The following EXOC6B variants were observed in gnomAD, a reference collection of about 807,000 sequenced individuals.
EXOC6B encodes SEC15 homolog B.
In EXOC6B, 54 loss-of-function variants were observed where a neutral mutation model predicts 113.5. The ratio of observed to expected loss-of-function variants is 0.48; its 90% CI spans 0.38 to 0.60. The LOEUF (loss-of-function observed/expected upper bound fraction) is 0.60, where lower values mean the gene tolerates loss of function less well. Among genes scored for constraint, EXOC6B ranks in the 20% least tolerant of loss-of-function variants. The pLI is 0.00. For missense variants in EXOC6B, 797 were observed against 977.5 expected, an observed-to-expected ratio of 0.82 and a Z score of 2.46; for synonymous variants, 357 against 339.0, an observed-to-expected ratio of 1.05 and a Z score of -0.58.
At chr2:72,397,393 G>A (rs1168109230) in intron 18 of EXOC6B, among the ~76,000 whole-genome samples, 5 of 152,002 alleles carry the variant, frequency 3.3e-5, no homozygotes, top group Non-Finnish European at 7.4e-5. Context: ...GGCCGAGGCA[G>A]ATGGATCATG....
rs765619390 is a variant in EXOC6B, at chr2:72,465,201, C to A, written c.1939G>T (p.Ala647Ser). ...KASDYLVDLIAFLRSTFAVFT... is the reference protein window; with the variant it reads ...KASDYLVDLISFLRSTFAVFT... ...ACAGCAAAGGTGCTACGAAGAAAGGCAATGAGGTCTACCAGGTAATCACTA... is the reference window on the plus strand; with the variant it reads ...ACAGCAAAGGTGCTACGAAGAAAGGAAATGAGGTCTACCAGGTAATCACTA... Residue 647 changes from alanine to serine, a missense_variant, in exon 18 of 22, where the codon GCC becomes TCC. By Grantham distance (99) the Ala-to-Ser change is moderately conservative. Coordinates refer to ENST00000272427, the MANE Select transcript of EXOC6B (RefSeq NM_015189.3). The A allele has an allele frequency of 6.2e-7, 1 of 1,612,226 alleles. No homozygotes were observed. Among genetic ancestry groups the A allele is most frequent in the Non-Finnish European group, 8.5e-7 (1 of 1,179,178 alleles).
intron 1 of EXOC6B, among the ~76,000 whole-genome samples, chr2:72,820,670 A>C (rs1170845750): frequency 6.6e-6 from 1 of 152,152 alleles, no homozygotes; most frequent in Non-Finnish European, 1.5e-5. Flanking sequence ...TTCTGCCACA[A>C]ATAAGGAACA....
chr2:72,712,990 T>C (rs1679367485), intron 6 of EXOC6B, among the ~76,000 whole-genome samples: 1 of 152,210 alleles, frequency 6.6e-6, no homozygotes, highest in African/African-American at 2.4e-5. Context: ...GATCCTCAAA[T>C]AGTATTTTTT....
chr2:72,675,976 T>A (rs1470110542), intron 6 of EXOC6B, among the ~76,000 whole-genome samples: 5 of 151,968 alleles, frequency 3.3e-5, no homozygotes, highest in Non-Finnish European at 5.9e-5. Context: ...AATTTTTTTT[T>A]AAAGACAAAC....
chr2:72,400,469 A>G (rs1056760756), intron 18 of EXOC6B, among the ~76,000 whole-genome samples: 4 of 152,166 alleles, frequency 2.6e-5, no homozygotes, highest in East Asian at 1.9e-4. Context: ...AAGCATCTGC[A>G]CAGTGAAAGA....
chr2:72,550,862 C>CA (rs1703172281), intron 8 of EXOC6B, among the ~76,000 whole-genome samples: 2 of 151,778 alleles, frequency 1.3e-5, no homozygotes, highest in South Asian at 4.2e-4. Flanking sequence ...CTGTGTCTAA[C>CA]CATTAGCATC....
chr2:72,690,107 C>G (rs1677375821), intron 6 of EXOC6B, among the ~76,000 whole-genome samples: 1 of 152,210 alleles, frequency 6.6e-6, no homozygotes, highest in Admixed American at 6.5e-5. Flanking sequence ...GGAAAAAACA[C>G]TGACCTACTT....
rs993743316 is a variant in EXOC6B at position 72,179,234 on chromosome 2, C to G, written c.*101G>C. 9.8e-6 allele frequency: 13 copies of G among 1,326,938 alleles called. No homozygotes were observed. The highest frequency in any genetic ancestry group is 1.5e-5 in the African/African-American group (1 of 67,458). The allele number at this position is 1,326,938 out of a possible 1,614,324, so 82.2% of individuals were successfully genotyped here. ...GGGTTAATAAAAAAATACATATGCT[C>G]TCTTTGAAGAAGAATGCACAAATGC... is the stretch of plus-strand genomic sequence containing the variant. On this transcript the variant is annotated 3_prime_UTR_variant, in exon 22 of 22. Transcript: ENST00000272427.
chr2:72,720,691 T>G (rs1057003781), intron 5 of EXOC6B, among the ~76,000 whole-genome samples: 1 of 151,854 alleles, frequency 6.6e-6, no homozygotes, highest in African/African-American at 2.4e-5. Flanking sequence ...TGGGCAGAGG[T>G]TGCAGTGAGC....
At chr2:72,670,630 T>C (rs911115800) in intron 6 of EXOC6B, among the ~76,000 whole-genome samples, 3 of 152,214 alleles carry the variant, frequency 2.0e-5, no homozygotes, top group Admixed American at 1.3e-4. Flanking sequence ...CAAGACTCTG[T>C]GATATGATGA....
intron 6 of EXOC6B, among the ~76,000 whole-genome samples, chr2:72,578,184 C>T (rs1341390045): frequency 1.3e-5 from 2 of 152,094 alleles, no homozygotes; most frequent in Admixed American, 1.3e-4. Flanking sequence ...AACTCATCAC[C>T]TTCCAATTAC....
chr2:72,420,858 G>A (rs1191928112), intron 18 of EXOC6B, among the ~76,000 whole-genome samples: 5 of 152,258 alleles, frequency 3.3e-5, no homozygotes, highest in Admixed American at 6.5e-5. Flanking sequence ...CACCAACAAC[G>A]TAAAAGCGTT....
At chr2:72,814,721 G>A (rs926177498) in intron 1 of EXOC6B, among the ~76,000 whole-genome samples, 1 of 152,230 alleles carries the variant, frequency 6.6e-6, no homozygotes, top group Non-Finnish European at 1.5e-5. Flanking sequence ...GCCGGGCGTG[G>A]TGGCTCACGC....
Position 72,179,315 on chromosome 2 carries a change from T to G in EXOC6B, c.*20A>C, listed in dbSNP as rs760297800. The G allele has an allele frequency of 6.3e-6, 10 of 1,577,342 alleles. No individual in the cohort carries two copies. Among genetic ancestry groups the G allele is most frequent in the Non-Finnish European group, 8.6e-6 (10 of 1,160,428 alleles). On this transcript the variant is annotated 3_prime_UTR_variant, in exon 22 of 22. Transcript: ENST00000272427. Reference sequence around the variant, plus strand: ...CACAGAGGCTGCAGCAGGTCGCCTCTGTGGGTCCGGGGTCACCCTTCATGA... The same window carrying G: ...CACAGAGGCTGCAGCAGGTCGCCTCGGTGGGTCCGGGGTCACCCTTCATGA...
intron 11 of EXOC6B, among the ~76,000 whole-genome samples, chr2:72,512,439 G>A (rs1308440652): frequency 5.4e-5 from 8 of 147,488 alleles, no homozygotes; most frequent in Non-Finnish European, 1.0e-4. Flanking sequence ...AAGGAAGGAA[G>A]GAAGGAAGGA....
At chr2:72,641,328 C>T (rs1043848953) in intron 6 of EXOC6B, among the ~76,000 whole-genome samples, 2 of 152,238 alleles carry the variant, frequency 1.3e-5, no homozygotes, top group African/African-American at 4.8e-5. Flanking sequence ...CCGTGACAGA[C>T]TGTACCTGGA....
At chr2:72,421,911 C>T (rs1012642484) in intron 18 of EXOC6B, among the ~76,000 whole-genome samples, 1 of 152,324 alleles carries the variant, frequency 6.6e-6, no homozygotes, top group South Asian at 2.1e-4. Flanking sequence ...TTGGCGGCCC[C>T]GCACTCAGAG....
In EXOC6B at chr2:72,529,412, T is replaced by C. The variant is rs554913086; in HGVS notation, c.916-14286A>G. 2.2e-4 allele frequency among the ~76,000 whole-genome samples: 34 copies of C among 152,328 alleles called. No homozygotes were observed. The South Asian group carries it at 5.8e-3, about 26-fold the overall frequency. On this transcript the variant is annotated intron_variant, in intron 8 of 21. Transcript: ENST00000272427. ...TTGCATCTATATTTACAAGGAATAT[T>C]AATCTGTAGTTTCCTTTTCTATATT...
At chr2:72,318,987 A>AAG (rs1226577221) in intron 20 of EXOC6B, among the ~76,000 whole-genome samples, 2 of 151,964 alleles carry the variant, frequency 1.3e-5, no homozygotes, top group African/African-American at 4.8e-5. Flanking sequence ...GAAATAATTT[A>AAG]AATTGGTATA....
Sources: allele counts gnomAD v4.1 joint callset (sites outside exome capture counted in the v4.1 genomes callset), GRCh38; gene constraint gnomAD v4.1.1; transcripts MANE v1.5; gene names NCBI Gene and HGNC (gene_info 2026-07-23, HGNC 2026-07-21).